Variants in RAF1 observed in about 807,000 individuals in gnomAD.
RAF1 encodes the protein RAF proto-oncogene serine/threonine-protein kinase.
A neutral mutation model predicts 81.1 loss-of-function variants in RAF1; 27 were observed. The observed-to-expected ratio is 0.33, with a 90% CI of 0.25 to 0.46. RAF1 has a LOEUF of 0.46. Ranked by LOEUF, RAF1 falls within the 20% of genes least tolerant of loss-of-function variation. The pLI is 1.00. For synonymous variants in RAF1, 298 were observed against 294.0 expected (o/e 1.01, Z -0.14); for missense variants, 598 against 826.0 (o/e 0.72, Z 3.38).
Position 12,642,671 on chromosome 3 carries a change from TACACACACACACAC to T in RAF1, c.-27+21128_-27+21141del, listed in dbSNP as rs71063856. On this transcript the variant is annotated intron_variant, in intron 1 of 17. Coordinates refer to ENST00000442415, the MANE Select transcript of RAF1 (RefSeq NM_001354689.3). ...AGACAACACAGGGAGACACCATCTC[TACACACACACACAC>T]ACACACACACACACACACACACACA... Among the ~76,000 whole-genome samples the T allele has an allele frequency of 3.4e-3, 398 of 117,052 alleles. 1 individual carries two copies. The highest frequency in any genetic ancestry group is 0.011 in the African/African-American group (329 of 30,666). 76.8% of individuals were successfully genotyped at this position (117,052 alleles called of 152,430 possible). A position where few individuals can be genotyped will look rare whatever the true frequency, so the allele number is the denominator to read the frequency against.
chr3:12,600,724 G>C (rs1193438573), intron 8 of RAF1, among the ~76,000 whole-genome samples: 1 of 152,176 alleles, frequency 6.6e-6, no homozygotes, highest in African/African-American at 2.4e-5. Flanking sequence ...AGCACGCCCG[G>C]CTAATTTTTG....
At position 12,583,963 on chromosome 3, in the gene RAF1, C is replaced by T. The variant is rs1269619857; in HGVS notation, c.*551G>A. ...TAGAAGCTGTGAAAGGAGGACGTGT[C>T]CCCTAAGAAAAGTTCCATAGTACCA... is the stretch of plus-strand genomic sequence containing the variant. On this transcript the variant is annotated 3_prime_UTR_variant, in exon 18 of 18. Coordinates refer to ENST00000442415, the MANE Select transcript of RAF1 (RefSeq NM_001354689.3). 8.2e-6 allele frequency: 2 copies of T among 244,214 alleles called. No homozygotes were observed. Among genetic ancestry groups the T allele is most frequent in the Non-Finnish European group, 1.6e-5 (2 of 123,428 alleles). 15.1% of individuals were successfully genotyped at this position (244,214 alleles called of 1,614,324 possible). A position where few individuals can be genotyped will look rare whatever the true frequency, so the allele number is the denominator to read the frequency against.
At chr3:12,597,056 G>A (rs1471284742) in intron 11 of RAF1, among the ~76,000 whole-genome samples, 4 of 151,820 alleles carry the variant, frequency 2.6e-5, no homozygotes, top group African/African-American at 7.3e-5. Flanking sequence ...CCACCCCCAC[G>A]CCCGGCTAAT....
intron 1 of RAF1, among the ~76,000 whole-genome samples, chr3:12,641,101 A>G (rs1397130902): frequency 6.6e-6 from 1 of 151,908 alleles, no homozygotes; most frequent in Non-Finnish European, 1.5e-5. Context: ...TTCTGAGCAA[A>G]CTATTGCAAG....
chr3:12,645,088 A>C (rs991224221), intron 1 of RAF1, among the ~76,000 whole-genome samples: 2 of 134,504 alleles, frequency 1.5e-5, no homozygotes, highest in African/African-American at 3.0e-5. Flanking sequence ...ACAGAGCGAG[A>C]CTCAGTCTCA....
intron 1 of RAF1, among the ~76,000 whole-genome samples, chr3:12,653,884 T>C (rs968309054): frequency 9.9e-5 from 15 of 152,032 alleles, no homozygotes; most frequent in Non-Finnish European, 2.2e-4. Context: ...AGAAAAGCCA[T>C]GACATTATAA....
At chr3:12,626,276 A>T (rs1055745853) in intron 1 of RAF1, among the ~76,000 whole-genome samples, 17 of 150,036 alleles carry the variant, frequency 1.1e-4, no homozygotes, top group South Asian at 2.1e-4. Context: ...ACCAAACATT[A>T]AAAAAAAAAT....
At chr3:12,618,853 G>T in intron 1 of RAF1, 106 bp from the exon 2 acceptor site, 2 of 849,152 alleles carry the variant, frequency 2.4e-6, no homozygotes, top group Non-Finnish European at 3.8e-6. Context: ...GGTTTTTAAT[G>T]ATACCTCCTG....
chr3:12,606,942 T>C (rs1246557831), intron 5 of RAF1, among the ~76,000 whole-genome samples: 2 of 152,090 alleles, frequency 1.3e-5, no homozygotes, highest in African/African-American at 2.4e-5. Context: ...TCACCTGCCT[T>C]GGCCTCCCAA....
intron 1 of RAF1, among the ~76,000 whole-genome samples, chr3:12,645,016 TTGAACCAGA>T (rs2060300139): frequency 6.7e-6 from 1 of 149,828 alleles, no homozygotes; most frequent in South Asian, 2.1e-4. Flanking sequence ...GAAGAACTGC[TTGAACCAGA>T]GAGTTGGAGG....
At chr3:12,640,631 C>T (rs2060156484) in intron 1 of RAF1, among the ~76,000 whole-genome samples, 2 of 152,230 alleles carry the variant, frequency 1.3e-5, no homozygotes, top group Non-Finnish European at 1.5e-5. Context: ...CATCACTGGC[C>T]ATCAGAGAAA....
chr3:12,653,638 G>C (rs900985390), intron 1 of RAF1, among the ~76,000 whole-genome samples: 1 of 151,936 alleles, frequency 6.6e-6, no homozygotes, highest in African/African-American at 2.4e-5. Flanking sequence ...CCAGCTACTA[G>C]GGAGGCTGAG....
chr3:12,588,990 C>T (rs1291835916), intron 13 of RAF1: 2 of 153,616 alleles, frequency 1.3e-5, no homozygotes, highest in Admixed American at 6.5e-5. Flanking sequence ...TGCTCTCTCT[C>T]TTGCTCCTTT....
intron 1 of RAF1, among the ~76,000 whole-genome samples, chr3:12,643,736 CAAAAAAA>C (rs11328513): frequency 2.1e-5 from 3 of 142,150 alleles, no homozygotes; most frequent in Admixed American, 7.0e-5. Context: ...AACTCTGTCT[CAAAAAAA>C]AAAAAATAAA....
intron 1 of RAF1, among the ~76,000 whole-genome samples, chr3:12,661,975 A>T (rs1309116388): frequency 6.6e-6 from 1 of 151,826 alleles, no homozygotes; most frequent in Non-Finnish European, 1.5e-5. Flanking sequence ...ACTTGAGCCC[A>T]AGAGTTCAAG....
At position 12,600,175 on chromosome 3, in the gene RAF1, C is replaced by G. The variant is rs2125380203; in HGVS notation, c.1027G>C (p.Gly343Arg). 6.2e-7 allele frequency: 1 copy of G among 1,614,120 alleles called. No homozygotes were observed. The change falls in exon 10 of 18, where the codon GGG (glycine) becomes CGG (arginine). Residue 343 changes from glycine (G) to arginine (R), a missense_variant. Gly to Arg is a moderately radical substitution (Grantham distance 125). This residue lies in a region of RAF1 where 194 missense variants were observed against 202.7 expected (regional missense o/e 0.96). Coordinates refer to ENST00000442415, the MANE Select transcript of RAF1 (RefSeq NM_001354689.3). ...ACAATTTTGTTTTTCTCCTGGGTCC[C>G]AGATACTGGTGCCCGCTCTCTTTGT... is the stretch of plus-strand genomic sequence containing the variant.
Position 12,584,738 on chromosome 3 carries a change from G to A in RAF1, c.1864-81C>T, listed in dbSNP as rs375973458. On this transcript the variant is annotated intron_variant, in intron 17 of 17. Coordinates refer to ENST00000442415, the MANE Select transcript of RAF1 (RefSeq NM_001354689.3). ...ACCCTGCCCCCCACCATCTTGTAGA[G>A]GACCTGGGTCCCCTCCCTATAAAAC... The A allele has an allele frequency of 5.6e-6, 9 of 1,612,834 alleles. No individual in the cohort carries two copies. The African/African-American group carries it at 6.7e-5, about 12-fold the overall frequency.
chr3:12,598,747 AAAAAAAC>A (rs1302298971), intron 11 of RAF1, among the ~76,000 whole-genome samples: 1,545 of 138,034 alleles, frequency 0.011, 29 homozygotes, highest in Middle Eastern at 0.018. Context: ...AAAAAAAAAA[AAAAAAAC>A]CACCAAGTAC....
At chr3:12,621,153 T>G (rs1179071719) in intron 1 of RAF1, among the ~76,000 whole-genome samples, 1 of 152,210 alleles carries the variant, frequency 6.6e-6, no homozygotes. Context: ...ATTATCCACC[T>G]TAATACTTAC....
Sources: allele counts gnomAD v4.1 joint callset (sites outside exome capture counted in the v4.1 genomes callset), GRCh38; gene constraint gnomAD v4.1.1; regional missense constraint gnomAD v4.1.1; transcripts MANE v1.5; gene names NCBI Gene and HGNC (gene_info 2026-07-23, HGNC 2026-07-21).